FBXO47: variants seen among roughly 807,000 people sequenced by gnomAD.
FBXO47 encodes F-box only protein 47.
A neutral mutation model predicts 53.9 loss-of-function variants in FBXO47; 34 were observed. That is an observed-to-expected ratio of 0.63 (90% CI 0.48 to 0.84). The LOEUF is 0.84. Among genes scored for constraint, FBXO47 ranks in the 40% least tolerant of loss-of-function variants. FBXO47 has a pLI of 0.00. For synonymous variants in FBXO47, 165 were observed against 181.6 expected (o/e 0.91, Z 0.73); for missense variants, 485 against 541.3 (o/e 0.90, Z 1.03).
At chr17:38,948,568 C>T (rs1905053350) in intron 6 of FBXO47, among the ~76,000 whole-genome samples, 2 of 151,976 alleles carry the variant, frequency 1.3e-5, no homozygotes, top group Admixed American at 1.3e-4. Flanking sequence ...CATTTTGTGA[C>T]TGGCTTATTT....
At chr17:38,964,048 T>A (rs926433400) in intron 1 of FBXO47, among the ~76,000 whole-genome samples, 1 of 152,038 alleles carries the variant, frequency 6.6e-6, no homozygotes, top group African/African-American at 2.4e-5. Context: ...GCTCAAGTGA[T>A]CCTCCCACCT....
chr17:38,948,905 GC>G (rs1362453702), intron 6 of FBXO47, among the ~76,000 whole-genome samples: 2 of 151,276 alleles, frequency 1.3e-5, no homozygotes, highest in Non-Finnish European at 2.9e-5. Context: ...CCCTTCCCTT[GC>G]CCCCATGCCC....
chr17:38,947,083 C>CAT (rs1200531855), intron 6 of FBXO47, among the ~76,000 whole-genome samples: 7 of 106,386 alleles, frequency 6.6e-5, no homozygotes, highest in African/African-American at 1.9e-4. Flanking sequence ...CATATATAAA[C>CAT]ATATATATAA....
chr17:38,965,897 A>AAT (rs1906092203), intron 1 of FBXO47, among the ~76,000 whole-genome samples: 1 of 150,330 alleles, frequency 6.7e-6, no homozygotes, highest in African/African-American at 2.4e-5. Context: ...AAAAAAAAAA[A>AAT]TAATTACACA....
At chr17:38,966,237 A>C (rs894693551) in intron 1 of FBXO47, among the ~76,000 whole-genome samples, 3 of 151,990 alleles carry the variant, frequency 2.0e-5, no homozygotes, top group Non-Finnish European at 2.9e-5. Flanking sequence ...AGTTTCGCAC[A>C]GTCTCCTGGG....
intron 5 of FBXO47, among the ~76,000 whole-genome samples, chr17:38,954,454 A>C (rs1444146791): frequency 1.3e-5 from 2 of 152,226 alleles, no homozygotes; most frequent in African/African-American, 2.4e-5. Flanking sequence ...GAAATAATAC[A>C]TCTGATTACT....
At position 38,946,825 on chromosome 17, in the gene FBXO47, A is replaced by AATATATAAATATATAAAT. The variant is rs1555560919; in HGVS notation, c.617-1690_617-1689insATTTATATATTTATATAT. On this transcript the variant is annotated intron_variant, in intron 6 of 10. Transcript: ENST00000378079. ...ATATATAAACATATATAAATATATA[A>AATATATAAATATATAAAT]ATATATAAATATATATAAACATATA... Among the ~76,000 whole-genome samples, 74 of 78,744 alleles carry AATATATAAATATATAAAT rather than the reference A, an allele frequency of 9.4e-4. 1 individual carries two copies. The highest frequency in any genetic ancestry group is 3.7e-3 in the African/African-American group (71 of 19,276). The allele number at this position is 78,744 out of a possible 152,430, so 51.7% of individuals were successfully genotyped here.
At chr17:38,949,565 C>CT (rs1194270295) in intron 6 of FBXO47, among the ~76,000 whole-genome samples, 5 of 152,166 alleles carry the variant, frequency 3.3e-5, no homozygotes, top group Non-Finnish European at 7.3e-5. Flanking sequence ...TCATATAACT[C>CT]TATGTTTAAT....
chr17:38,945,059 C>A lies in FBXO47; in HGVS notation c.694G>T (p.Asp232Tyr). ...VLLDHWTHRS[D>Y]SAFWLTRILK... ...ATTCGCGTCAACCAAAAAGCAGAAT[C>A]ACTTCGATGTGTCCAATGATCAAGG... The change falls in exon 7 of 11, where the codon GAT becomes TAT. Residue 232 changes from aspartate (D) to tyrosine (Y), a missense_variant. By Grantham distance (160) the Asp-to-Tyr change is radical (BLOSUM62 -3). Coordinates refer to ENST00000378079, the MANE Select transcript of FBXO47 (RefSeq NM_001008777.3). 6.2e-7 allele frequency: 1 copy of A among 1,614,006 alleles called. No individual in the cohort carries two copies. The highest frequency in any genetic ancestry group is 8.5e-7 in the Non-Finnish European group (1 of 1,179,928).
chr17:38,948,066 C>T (rs1905028722), intron 6 of FBXO47, among the ~76,000 whole-genome samples: 1 of 152,168 alleles, frequency 6.6e-6, no homozygotes, highest in South Asian at 2.1e-4. Flanking sequence ...ATCACCACAG[C>T]CAATTTTAGA....
chr17:38,965,469 T>C (rs1906055282), intron 1 of FBXO47, among the ~76,000 whole-genome samples: 1 of 152,084 alleles, frequency 6.6e-6, no homozygotes, highest in Non-Finnish European at 1.5e-5. Context: ...CAAAGAAATT[T>C]AGTGTTTAGT....
At chr17:38,940,736 C>T (rs554908096) in intron 9 of FBXO47, among the ~76,000 whole-genome samples, 52 of 152,018 alleles carry the variant, frequency 3.4e-4, no homozygotes, top group Non-Finnish European at 6.3e-4. Flanking sequence ...AGTGCAGTGG[C>T]GTGACCATAG....
At chr17:38,946,951 T>C (rs1190960614) in intron 6 of FBXO47, among the ~76,000 whole-genome samples, 2 of 121,876 alleles carry the variant, frequency 1.6e-5, no homozygotes, top group African/African-American at 3.2e-5. Context: ...TAAACATATA[T>C]AAATATATAA....
intron 8 of FBXO47, 33 bp downstream of exon 8, chr17:38,943,557 C>G (rs1385678739): frequency 7.5e-7 from 1 of 1,338,028 alleles, no homozygotes; most frequent in African/African-American, 1.5e-5. Flanking sequence ...CAATAAATTT[C>G]TATTATTCTA....
At chr17:38,937,401 G>A in intron 10 of FBXO47, 111 bp from the exon 11 acceptor site, 1 of 377,672 alleles carries the variant, frequency 2.6e-6, no homozygotes, top group Non-Finnish European at 4.5e-6. Flanking sequence ...CTGTTGCTTA[G>A]GCTGGAATGC....
At chr17:38,941,636 A>ATATATATATG (rs978305119) in intron 9 of FBXO47, among the ~76,000 whole-genome samples, 1 of 144,672 alleles carries the variant, frequency 6.9e-6, no homozygotes, top group Non-Finnish European at 1.5e-5. Flanking sequence ...ATATATATAT[A>ATATATATATG]TATATATATG....
At chr17:38,946,144 A>C (rs1904777293) in intron 6 of FBXO47, among the ~76,000 whole-genome samples, 1 of 124,268 alleles carries the variant, frequency 8.0e-6, no homozygotes, top group South Asian at 2.2e-4. Context: ...ATATAAATAT[A>C]TAAATACATA....
rs142695327 is a variant in FBXO47, at chr17:38,952,293, A to T, written c.508-604T>A. On this transcript the variant is annotated intron_variant, in intron 5 of 10. Coordinates refer to ENST00000378079, the MANE Select transcript of FBXO47 (RefSeq NM_001008777.3). ...GCCAAGATTGCGCCACTGCACTCCA[A>T]CCTGGGCAACAGACAGAAACTCTGT... 2.3e-3 allele frequency among the ~76,000 whole-genome samples: 349 copies of T among 152,178 alleles called. 1 individual carries two copies. The highest frequency in any genetic ancestry group is 8.2e-3 in the African/African-American group (340 of 41,530).
chr17:38,956,102 C>T (rs1242906376), intron 4 of FBXO47, among the ~76,000 whole-genome samples: 3 of 150,704 alleles, frequency 2.0e-5, no homozygotes, highest in Admixed American at 6.6e-5. Context: ...CACCACTGCA[C>T]TCCAGCCTGG....
Sources: allele counts gnomAD v4.1 joint callset (sites outside exome capture counted in the v4.1 genomes callset), GRCh38; gene constraint gnomAD v4.1.1; transcripts MANE v1.5; gene names NCBI Gene and HGNC (gene_info 2026-07-23, HGNC 2026-07-21).